Variants in ADGRL2 observed in about 807,000 individuals in gnomAD.
ADGRL2 encodes the protein adhesion G protein-coupled receptor L2.
In ADGRL2, 44 loss-of-function variants were observed where a neutral mutation model predicts 157.4. The observed-to-expected ratio is 0.28, with a 90% CI of 0.22 to 0.36. ADGRL2 has a LOEUF of 0.36. Among genes scored for constraint, ADGRL2 ranks in the 10% least tolerant of loss-of-function variants. ADGRL2 has a pLI of 1.00. For synonymous variants in ADGRL2, 585 were observed against 624.7 expected, an observed-to-expected ratio of 0.94 and a Z score of 0.95; for missense variants, 1,510 against 1,768.9, an observed-to-expected ratio of 0.85 and a Z score of 2.63.
At chr1:81,430,881 G>A (rs2077307720) in intron 1 of ADGRL2, among the ~76,000 whole-genome samples, 1 of 152,072 alleles carries the variant, frequency 6.6e-6, no homozygotes. Context: ...TATTTGATTT[G>A]TTTACTAATT....
intron 3 of ADGRL2, among the ~76,000 whole-genome samples, chr1:81,634,010 G>C (rs1008842815): frequency 1.3e-5 from 2 of 152,118 alleles, no homozygotes; most frequent in Non-Finnish European, 2.9e-5. Context: ...ATAACCTAGG[G>C]AGTATATAAA....
intron 2 of ADGRL2, among the ~76,000 whole-genome samples, chr1:81,475,607 T>G (rs1324757175): frequency 6.6e-6 from 1 of 152,134 alleles, no homozygotes; most frequent in African/African-American, 2.4e-5. Context: ...CTTTAATAAT[T>G]TTGTAAATGG....
chr1:81,814,186 A>G (rs1414208268), intron 1 of ADGRL2, among the ~76,000 whole-genome samples: 1 of 151,744 alleles, frequency 6.6e-6, no homozygotes, highest in Non-Finnish European at 1.5e-5. Context: ...TTTATCACAT[A>G]TTCTTGAATT....
intron 2 of ADGRL2, among the ~76,000 whole-genome samples, chr1:81,783,129 A>C (rs1382777423): frequency 6.6e-6 from 1 of 151,848 alleles, no homozygotes; most frequent in Non-Finnish European, 1.5e-5. Context: ...CTTGCTATTT[A>C]TTTATTTATT....
At chr1:81,311,652 T>C (rs967743189) in intron 1 of ADGRL2, among the ~76,000 whole-genome samples, 7 of 152,184 alleles carry the variant, frequency 4.6e-5, no homozygotes, top group Non-Finnish European at 8.8e-5. Context: ...CATCTATCCA[T>C]CCAACACATT....
chr1:81,659,742 T>C (rs1302019677), intron 3 of ADGRL2, among the ~76,000 whole-genome samples: 3 of 152,230 alleles, frequency 2.0e-5, no homozygotes, highest in Non-Finnish European at 4.4e-5. Context: ...TTTATTTTAG[T>C]GCATCCAACT....
chr1:81,744,391 A>G lies in ADGRL2; in HGVS notation c.-142-17420A>G, dbSNP rs199552710. ...TATAAAACAACTTGCTCAAAGTCACACAGATAGTTGAGTGACAGAAGTTTC... is the reference window on the plus strand; with the variant it reads ...TATAAAACAACTTGCTCAAAGTCACGCAGATAGTTGAGTGACAGAAGTTTC... On this transcript the variant is annotated intron_variant, in intron 1 of 20. Coordinates refer to the ADGRL2 transcript ENST00000359929. Among the ~76,000 whole-genome samples, 62 of 152,292 alleles carry G rather than the reference A, an allele frequency of 4.1e-4. No individual in the cohort carries two copies. The East Asian group carries it at 0.012, about 29-fold the overall frequency.
chr1:81,855,611 A>C (rs1409997635), intron 2 of ADGRL2, among the ~76,000 whole-genome samples: 1 of 151,650 alleles, frequency 6.6e-6, no homozygotes, highest in African/African-American at 2.4e-5. Flanking sequence ...ATACATTTTC[A>C]ATGCGAATAT....
chr1:81,837,826 C>T (rs1043741589), intron 2 of ADGRL2, among the ~76,000 whole-genome samples: 1 of 151,864 alleles, frequency 6.6e-6, no homozygotes, highest in African/African-American at 2.4e-5. Flanking sequence ...AACACACATG[C>T]AGGTGTTTTT....
intron 1 of ADGRL2, among the ~76,000 whole-genome samples, chr1:81,725,383 C>CA (rs2084487466): frequency 6.6e-6 from 1 of 151,470 alleles, no homozygotes; most frequent in African/African-American, 2.4e-5. Context: ...ACTAAAAATA[C>CA]AAAAAATTAG....
At chr1:81,773,192 G>C (rs1324648836) in intron 2 of ADGRL2, among the ~76,000 whole-genome samples, 1 of 152,116 alleles carries the variant, frequency 6.6e-6, no homozygotes, top group Non-Finnish European at 1.5e-5. Context: ...CTGATTCTGA[G>C]CCTTAATTCC....
At chr1:81,666,803 T>C (rs2082760455) in intron 3 of ADGRL2, among the ~76,000 whole-genome samples, 1 of 152,236 alleles carries the variant, frequency 6.6e-6, no homozygotes, top group Non-Finnish European at 1.5e-5. Context: ...GGGCTGTGAC[T>C]AACCATTGGC....
chr1:81,860,332 A>C (rs922570890), intron 2 of ADGRL2, among the ~76,000 whole-genome samples: 3 of 152,098 alleles, frequency 2.0e-5, no homozygotes, highest in African/African-American at 7.2e-5. Context: ...TTTTATTTTT[A>C]TTTTATTTAT....
At chr1:81,821,809 A>G (rs1258569542) in intron 1 of ADGRL2, among the ~76,000 whole-genome samples, 1 of 152,166 alleles carries the variant, frequency 6.6e-6, no homozygotes, top group Admixed American at 6.6e-5. Context: ...GTTAAATTTC[A>G]CAGTTAATAT....
At chr1:81,563,615 A>C (rs914809854) in intron 2 of ADGRL2, among the ~76,000 whole-genome samples, 2 of 152,030 alleles carry the variant, frequency 1.3e-5, no homozygotes, top group Non-Finnish European at 2.9e-5. Flanking sequence ...TACAGCTAAA[A>C]ACTCACTCTT....
Position 81,604,514 on chromosome 1 carries a change from A to T in ADGRL2, c.-143+23534A>T, listed in dbSNP as rs182129000. Among the ~76,000 whole-genome samples, 14 of 152,298 alleles carry T rather than the reference A, an allele frequency of 9.2e-5. No individual in the cohort carries two copies. In the East Asian group the frequency reaches 2.7e-3, roughly 29 times the overall value. ...ATCAGAGAAACAGACACAAGTGCCAACTGCAAGCTACTGTCTTACATTGTT... is the reference window on the plus strand; with the variant it reads ...ATCAGAGAAACAGACACAAGTGCCATCTGCAAGCTACTGTCTTACATTGTT... On this transcript the variant is annotated intron_variant, in intron 3 of 24. Coordinates refer to the ADGRL2 transcript ENST00000370721.
intron 2 of ADGRL2, among the ~76,000 whole-genome samples, chr1:81,782,935 C>A (rs375558827): frequency 1.0e-3 from 157 of 152,238 alleles, no homozygotes; most frequent in African/African-American, 3.6e-3. Context: ...GATGGAAGGA[C>A]AAGTAATTGG....
intron 1 of ADGRL2, among the ~76,000 whole-genome samples, chr1:81,442,845 T>C (rs2077533035): frequency 6.6e-6 from 1 of 152,198 alleles, no homozygotes; most frequent in Non-Finnish European, 1.5e-5. Flanking sequence ...ACAGCCTCAC[T>C]CACAAATCTG....
At chr1:81,349,641 CACACA>C (rs1315039652) in intron 1 of ADGRL2, among the ~76,000 whole-genome samples, 1 of 142,740 alleles carries the variant, frequency 7.0e-6, no homozygotes, top group African/African-American at 2.6e-5. Context: ...TACACACACA[CACACA>C]CACACACACA....
Sources: allele counts gnomAD v4.1 joint callset (sites outside exome capture counted in the v4.1 genomes callset), GRCh38; gene constraint gnomAD v4.1.1; transcripts MANE v1.5; gene names NCBI Gene and HGNC (gene_info 2026-07-23, HGNC 2026-07-21).